Variants in PCDH11X observed in about 807,000 individuals in gnomAD.
PCDH11X encodes protocadherin 11 X-linked.
Under a neutral mutation model 53.3 loss-of-function variants are expected in PCDH11X, and 18 were observed. That is an observed-to-expected ratio of 0.34 (90% confidence interval 0.23 to 0.50). The LOEUF (loss-of-function observed/expected upper bound fraction) is 0.50, where lower values mean the gene tolerates loss of function less well. Ranked by LOEUF, PCDH11X falls within the 20% of genes least tolerant of loss-of-function variation. The probability of loss-of-function intolerance (pLI) is 0.98; values close to 1 mark genes in which losing one functional copy is unlikely to be tolerated. For synonymous variants in PCDH11X, 279 were observed against 393.3 expected (o/e 0.71, Z 3.44); for missense variants, 570 against 1,032.4 (o/e 0.55, Z 6.14).
At chrX:92,285,790 T>C (rs1008178394) in intron 8 of PCDH11X, among the ~76,000 whole-genome samples, 2 of 110,953 alleles carry the variant, frequency 1.8e-5, no homozygotes, top group African/African-American at 3.3e-5. Context: ...CACAGAAATA[T>C]AGAGTGTGGA....
chrX:92,545,406 T>G (rs868032470), intron 10 of PCDH11X, among the ~76,000 whole-genome samples: 47 of 72,715 alleles, frequency 6.5e-4, no homozygotes, highest in South Asian at 4.6e-3. Context: ...TTTTTTTTTT[T>G]TTTTTTTGTT....
rs1218341876 is a variant in PCDH11X at position 91,807,176 on chromosome X, CA to C, written c.-378-2267del. Among the ~76,000 whole-genome samples, 220 of 32,287 alleles carry C rather than the reference CA, an allele frequency of 6.8e-3. 1 individual carries two copies. The highest frequency in any genetic ancestry group is 0.019 in the Middle Eastern group (1 of 52). The allele number at this position is 32,287 out of a possible 115,157, so 28.0% of individuals were successfully genotyped here. A position where few individuals can be genotyped will look rare whatever the true frequency, so the allele number is the denominator to read the frequency against. On this transcript the variant is annotated intron_variant, in intron 1 of 10. Transcript: ENST00000682573. ...GCAACATAGAAAGACCTCATCTCTA[CA>C]AAAAAAAAAAAAAAAAAAAAAATTA...
chrX:92,206,818 C>T (rs749514647), intron 7 of PCDH11X, among the ~76,000 whole-genome samples: 59 of 111,241 alleles, frequency 5.3e-4, no homozygotes, highest in African/African-American at 1.8e-3. Flanking sequence ...TGAGCCACCA[C>T]GCCTGGTGGT....
intron 8 of PCDH11X, among the ~76,000 whole-genome samples, chrX:92,338,494 C>A (rs1455053273): frequency 9.1e-6 from 1 of 110,425 alleles, no homozygotes; most frequent in Non-Finnish European, 1.9e-5. Flanking sequence ...TCATTCTTTT[C>A]CAAATGTTGG....
intron 10 of PCDH11X, among the ~76,000 whole-genome samples, chrX:92,519,136 C>T (rs753167379): frequency 1.5e-4 from 16 of 110,343 alleles, no homozygotes; most frequent in Non-Finnish European, 2.3e-4. Context: ...CTTCATAAAA[C>T]TTCATTTGTT....
chrX:92,034,852 T>C (rs2063105069), intron 6 of PCDH11X, among the ~76,000 whole-genome samples: 1 of 108,329 alleles, frequency 9.2e-6, no homozygotes, highest in Non-Finnish European at 1.9e-5. Flanking sequence ...TTACTTTTAC[T>C]GAAGGTGATT....
chrX:92,214,214 G>A (rs2066643774), intron 7 of PCDH11X, among the ~76,000 whole-genome samples: 1 of 111,856 alleles, frequency 8.9e-6, no homozygotes, highest in African/African-American at 3.2e-5. Flanking sequence ...TTTGGGTGAA[G>A]GTATGATCCT....
chrX:92,175,043 T>C (rs983916279), intron 6 of PCDH11X, among the ~76,000 whole-genome samples: 2 of 111,033 alleles, frequency 1.8e-5, no homozygotes, highest in African/African-American at 6.6e-5. Context: ...TGGCGCCATC[T>C]TGGCTCGCCA....
At chrX:92,197,882 GA>G (rs2066317531) in intron 6 of PCDH11X, among the ~76,000 whole-genome samples, 1 of 111,773 alleles carries the variant, frequency 8.9e-6, no homozygotes, top group African/African-American at 3.2e-5. Context: ...ATTTCTAGTG[GA>G]AAACCTACTG....
chrX:91,846,474 C>T (rs1422179847), intron 5 of PCDH11X, among the ~76,000 whole-genome samples: 1 of 109,519 alleles, frequency 9.1e-6, no homozygotes, highest in East Asian at 2.9e-4. Context: ...AAAAATTAGC[C>T]GGGCGTGGTC....
intron 10 of PCDH11X, among the ~76,000 whole-genome samples, chrX:92,491,299 T>C (rs1371939888): frequency 9.0e-6 from 1 of 111,046 alleles, no homozygotes; most frequent in Non-Finnish European, 1.9e-5. Flanking sequence ...CGTAAAATTA[T>C]GAAGAAGTGA....
chrX:92,293,289 A>G (rs954292394), intron 8 of PCDH11X, among the ~76,000 whole-genome samples: 7 of 110,752 alleles, frequency 6.3e-5, no homozygotes, highest in Non-Finnish European at 1.3e-4. Context: ...AATAAAATTT[A>G]ATGAAGAACT....
At chrX:91,842,303 G>A (rs1403664966) in intron 5 of PCDH11X, among the ~76,000 whole-genome samples, 1 of 110,643 alleles carries the variant, frequency 9.0e-6, no homozygotes, top group Non-Finnish European at 1.9e-5. Context: ...GATGTCACTG[G>A]AGGAAGGAAA....
chrX:92,037,799 G>T (rs1469572137), intron 6 of PCDH11X, among the ~76,000 whole-genome samples: 13 of 110,461 alleles, frequency 1.2e-4, no homozygotes, highest in African/African-American at 4.3e-4. Flanking sequence ...GATCAGTGAT[G>T]TTGAGGGTTT....
chrX:91,838,001 A>G (rs1937366083), intron 5 of PCDH11X, among the ~76,000 whole-genome samples: 1 of 112,232 alleles, frequency 8.9e-6, no homozygotes, highest in South Asian at 3.7e-4. Flanking sequence ...AAATTAATAG[A>G]TAAAATCAAA....
At chrX:91,883,666 G>A (rs1230648740) in intron 6 of PCDH11X, 42 of 494,284 alleles carry the variant, frequency 8.5e-5, no homozygotes, top group Non-Finnish European at 1.0e-4. Flanking sequence ...TTAGCCTGGC[G>A]TGGTGGCGGG....
At chrX:91,829,792 T>C (rs1397078859) in intron 4 of PCDH11X, among the ~76,000 whole-genome samples, 1 of 111,443 alleles carries the variant, frequency 9.0e-6, no homozygotes, top group Non-Finnish European at 1.9e-5. Context: ...ATATATCACA[T>C]AGTTGTTATA....
chrX:92,385,085 C>T (rs1328166072), intron 8 of PCDH11X, among the ~76,000 whole-genome samples: 1 of 93,162 alleles, frequency 1.1e-5, no homozygotes, highest in African/African-American at 3.9e-5. Context: ...TTCACAAGGG[C>T]TTATTTAGTA....
At chrX:92,484,068 AG>A (rs1390247756) in intron 10 of PCDH11X, among the ~76,000 whole-genome samples, 2 of 100,030 alleles carry the variant, frequency 2.0e-5, no homozygotes, top group African/African-American at 7.2e-5. Flanking sequence ...CCAAACAATG[AG>A]TGAATAAAGA....
Sources: gnomAD v4.1 joint callset for allele counts (sites outside exome capture counted in the v4.1 genomes callset) on GRCh38, gnomAD v4.1.1 for gene constraint, MANE v1.5 for transcripts, NCBI Gene and HGNC (gene_info 2026-07-23, HGNC 2026-07-21) for gene names.